The following CDYL2 variants were observed in gnomAD, a reference collection of about 807,000 sequenced individuals.
CDYL2 encodes chromodomain Y like 2.
Under a neutral mutation model 49.4 loss-of-function variants are expected in CDYL2, and 23 were observed. The observed-to-expected ratio is 0.47, with a 90% CI of 0.34 to 0.66. The LOEUF (loss-of-function observed/expected upper bound fraction) is 0.66. Ranked by LOEUF, CDYL2 falls within the 30% of genes least tolerant of loss-of-function variation. The pLI, the probability that CDYL2 is intolerant of heterozygous loss-of-function variation, is 0.01. For synonymous variants in CDYL2, 360 were observed against 268.8 expected (o/e 1.34, Z -3.32); for missense variants, 678 against 656.4 (o/e 1.03, Z -0.36).
chr16:80,663,016 A>G (rs16953758), intron 2 of CDYL2, among the ~76,000 whole-genome samples: 4,228 of 151,934 alleles, frequency 0.028, 153 homozygotes, highest in African/African-American at 0.077. Flanking sequence ...ACAATGGAGG[A>G]CCTACAGAAG....
intron 2 of CDYL2, among the ~76,000 whole-genome samples, chr16:80,666,568 G>A (rs1341552274): frequency 2.6e-5 from 4 of 152,176 alleles, no homozygotes; most frequent in Non-Finnish European, 4.4e-5. Flanking sequence ...CAGGGCCATC[G>A]TGGCAGATGG....
At chr16:80,655,996 A>G (rs567268972) in intron 2 of CDYL2, among the ~76,000 whole-genome samples, 1 of 152,348 alleles carries the variant, frequency 6.6e-6, no homozygotes, top group Non-Finnish European at 1.5e-5. Flanking sequence ...AAATAATCCC[A>G]GCCCTACATT....
At chr16:80,664,371 G>A (rs1909172866) in intron 2 of CDYL2, among the ~76,000 whole-genome samples, 1 of 152,276 alleles carries the variant, frequency 6.6e-6, no homozygotes, top group East Asian at 1.9e-4. Flanking sequence ...CCAGACAGCT[G>A]TCTCTTCCTC....
chr16:80,724,652 A>T (rs750914667), intron 1 of CDYL2, among the ~76,000 whole-genome samples: 1 of 152,206 alleles, frequency 6.6e-6, no homozygotes, highest in Non-Finnish European at 1.5e-5. Context: ...TCACATACAT[A>T]TACACACATG....
chr16:80,745,552 G>T (rs1597112216), intron 1 of CDYL2, among the ~76,000 whole-genome samples: 2 of 152,076 alleles, frequency 1.3e-5, no homozygotes, highest in African/African-American at 2.4e-5. Flanking sequence ...TCATGGAGTT[G>T]GTGTGAGGAT....
intron 2 of CDYL2, among the ~76,000 whole-genome samples, chr16:80,675,721 A>G (rs529062235): frequency 1.3e-5 from 2 of 151,382 alleles, no homozygotes; most frequent in African/African-American, 4.9e-5. Flanking sequence ...GGAACCCTCA[A>G]TAAGGAGAGC....
Position 80,609,252 on chromosome 16 carries a change from G to T in CDYL2, c.1219-1017C>A, listed in dbSNP as rs550669873. 4.6e-5 allele frequency among the ~76,000 whole-genome samples: 7 copies of T among 152,308 alleles called. No individual in the cohort carries two copies. The South Asian group carries it at 1.5e-3, about 32-fold the overall frequency. ...TGACAGACAGTGACTGATAATTAGGGCATAATGGTCAAATCCATGTGATAG... is the reference window on the plus strand; with the variant it reads ...TGACAGACAGTGACTGATAATTAGGTCATAATGGTCAAATCCATGTGATAG... On this transcript the variant is annotated intron_variant, in intron 5 of 6. Transcript: ENST00000570137.
At chr16:80,744,029 T>C (rs9929214) in intron 1 of CDYL2, among the ~76,000 whole-genome samples, 54,886 of 147,770 alleles carry the variant, frequency 0.37, 9,992 homozygotes, top group South Asian at 0.43. Context: ...TACTCATTCA[T>C]TCATTTATTC....
At position 80,598,483 on chromosome 16, in the gene CDYL2, C is replaced by G. The variant is rs1163227650; in HGVS notation, c.*5905G>C. 1.3e-5 allele frequency: 2 copies of G among 152,140 alleles called. No homozygotes were observed. The highest frequency in any genetic ancestry group is 2.9e-5 in the Non-Finnish European group (2 of 68,024). The allele number at this position is 152,140 out of a possible 1,614,324, so 9.4% of individuals were successfully genotyped here. On this transcript the variant is annotated 3_prime_UTR_variant, in exon 7 of 7. Coordinates refer to ENST00000570137, the MANE Select transcript of CDYL2 (RefSeq NM_152342.4). ...AGAGAGAACTGAAGACAATTCTTCT[C>G]ACACCTAACAGGAATTAGAATGGGT...
At chr16:80,765,864 G>C (rs565251111) in intron 1 of CDYL2, among the ~76,000 whole-genome samples, 5 of 94,054 alleles carry the variant, frequency 5.3e-5, no homozygotes, top group East Asian at 3.7e-4. Flanking sequence ...AACATTGCAA[G>C]ACCCTCATCT....
chr16:80,744,849 T>C (rs150285736), intron 1 of CDYL2, among the ~76,000 whole-genome samples: 1 of 152,080 alleles, frequency 6.6e-6, no homozygotes, highest in Non-Finnish European at 1.5e-5. Flanking sequence ...AAGTGGACAG[T>C]CCTGGATCCC....
chr16:80,725,978 A>G (rs1905150464), intron 1 of CDYL2, among the ~76,000 whole-genome samples: 1 of 152,220 alleles, frequency 6.6e-6, no homozygotes, highest in African/African-American at 2.4e-5. Context: ...ACAAAGGCCA[A>G]CTGTTAAGTG....
Position 80,645,124 on chromosome 16 carries a change from C to A in CDYL2, c.617-11888G>T, listed in dbSNP as rs372672027. The stretch of plus-strand genomic sequence containing the variant: ...ACACCAAAAGCAATGGCAACAAAAG[C>A]CAAAATTGACAAATGGGATCTAATT... On this transcript the variant is annotated intron_variant, in intron 2 of 6. Coordinates refer to ENST00000570137, the MANE Select transcript of CDYL2 (RefSeq NM_152342.4). Among the ~76,000 whole-genome samples the A allele has an allele frequency of 3.7e-3, 567 of 152,188 alleles. 9 individuals carry two copies. The highest frequency in any genetic ancestry group is 1.7e-3 in the Non-Finnish European group (116 of 67,994).
rs546811471 is a variant in CDYL2 at position 80,718,388 on chromosome 16, C to T, written c.25-33259G>A. On this transcript the variant is annotated intron_variant, in intron 1 of 6. Transcript: ENST00000570137. Reference sequence around the variant, plus strand: ...TGTGCACAATCCCATTTAATCCTCACATCAACCCACTGAAGGGGAGGTTAG... The same window carrying T: ...TGTGCACAATCCCATTTAATCCTCATATCAACCCACTGAAGGGGAGGTTAG... Among the ~76,000 whole-genome samples, 14 of 152,286 alleles carry T rather than the reference C, an allele frequency of 9.2e-5. No individual in the cohort carries two copies. In the East Asian group the frequency reaches 2.5e-3, roughly 27 times the overall value.
intron 1 of CDYL2, chr16:80,735,047 A>C (rs999442472): frequency 1.3e-5 from 2 of 151,882 alleles, no homozygotes; most frequent in African/African-American, 4.8e-5. Context: ...TTATCTCCCA[A>C]CCTTAACTTC....
At chr16:80,665,505 T>TA (rs35248259) in intron 2 of CDYL2, among the ~76,000 whole-genome samples, 55,631 of 121,420 alleles carry the variant, frequency 0.46, 12,990 homozygotes, top group Middle Eastern at 0.53. Context: ...TTTTTGCCAT[T>TA]AAAAAAAAAA....
chr16:80,684,232 A>C (rs1384270844), intron 2 of CDYL2, among the ~76,000 whole-genome samples: 3 of 152,102 alleles, frequency 2.0e-5, no homozygotes, highest in Non-Finnish European at 4.4e-5. Flanking sequence ...GCCCTCAGGG[A>C]AGTGGGTCTA....
intron 2 of CDYL2, among the ~76,000 whole-genome samples, chr16:80,641,804 G>A (rs938574194): frequency 2.8e-4 from 42 of 150,464 alleles, no homozygotes; most frequent in African/African-American, 5.4e-4. Flanking sequence ...GCTAAATGAC[G>A]AGTTAACGGG....
chr16:80,664,327 C>G (rs1179866134), intron 2 of CDYL2, among the ~76,000 whole-genome samples: 1 of 152,174 alleles, frequency 6.6e-6, no homozygotes, highest in Non-Finnish European at 1.5e-5. Context: ...CTTCACACAT[C>G]TAATCCTCCG....
Sources: allele counts gnomAD v4.1 joint callset (sites outside exome capture counted in the v4.1 genomes callset), GRCh38; gene constraint gnomAD v4.1.1; transcripts MANE v1.5; gene names NCBI Gene and HGNC (gene_info 2026-07-23, HGNC 2026-07-21).